Variants in PIKFYVE observed in about 807,000 individuals in gnomAD.
PIKFYVE encodes the protein 1-phosphatidylinositol 3-phosphate 5-kinase.
PIKFYVE carries 122 observed loss-of-function variants against 257.9 expected under a neutral mutation model. The ratio of observed to expected loss-of-function variants is 0.47; its 90% confidence interval spans 0.41 to 0.55. The LOEUF is 0.55. Among genes scored for constraint, PIKFYVE ranks in the 20% least tolerant of loss-of-function variants. The pLI, the probability that PIKFYVE is intolerant of heterozygous loss-of-function variation, is 0.00. For synonymous variants in PIKFYVE, 892 were observed against 868.9 expected, an observed-to-expected ratio of 1.03 and a Z score of -0.47; for missense variants, 2,160 against 2,536.6, an observed-to-expected ratio of 0.85 and a Z score of 3.19.
chr2:208,338,423 A>T, intron 28 of PIKFYVE, 85 bp from the exon 29 acceptor site: 3 of 1,313,834 alleles, frequency 2.3e-6, no homozygotes, highest in Non-Finnish European at 3.3e-6. Flanking sequence ...CTGAGACCAA[A>T]AAGTTTAAGA....
At chr2:208,349,093 G>T (rs1417718155) in intron 35 of PIKFYVE, among the ~76,000 whole-genome samples, 1 of 152,152 alleles carries the variant, frequency 6.6e-6, no homozygotes, top group African/African-American at 2.4e-5. Context: ...AACCCAGGAG[G>T]TATAGGTTGC....
chr2:208,329,722 C>T (rs1697299965), intron 21 of PIKFYVE, 120 bp from the exon 22 acceptor site: 1 of 1,477,652 alleles, frequency 6.8e-7, no homozygotes, highest in Non-Finnish European at 9.1e-7. Context: ...AGAACATTAC[C>T]TCCTTTCATA....
At chr2:208,312,502 G>A (rs933970916) in intron 13 of PIKFYVE, among the ~76,000 whole-genome samples, 3 of 152,172 alleles carry the variant, frequency 2.0e-5, no homozygotes, top group African/African-American at 7.2e-5. Flanking sequence ...TTGCGAGAAG[G>A]AGGTCTCTGA....
At position 208,276,818 on chromosome 2, in the gene PIKFYVE, G is replaced by T; in HGVS notation, c.429G>T (p.Glu143Asp). The T allele has an allele frequency of 6.2e-7, 1 of 1,612,854 alleles. No individual in the cohort carries two copies. Among genetic ancestry groups the T allele is most frequent in the Admixed American group, 1.7e-5 (1 of 59,976 alleles). Residue 143 changes from glutamate (E) to aspartate (D), a missense_variant, in exon 4 of 42, where the codon GAG (glutamate) becomes GAT (aspartate). By Grantham distance (45) the Glu-to-Asp change is conservative. Transcript: ENST00000264380. ...TAAAACGCCTCAAGGAAATCATGGA[G>T]GGGAAAAGCCAGGTACTGTCTAGAG... ...TVLKRLKEIMEGKSQDSDLKQ... is the reference protein window; with the variant it reads ...TVLKRLKEIMDGKSQDSDLKQ...
intron 7 of PIKFYVE, among the ~76,000 whole-genome samples, chr2:208,296,739 G>C (rs1693039725): frequency 6.6e-6 from 1 of 152,048 alleles, no homozygotes; most frequent in Admixed American, 6.5e-5. Context: ...AAACCAGGAG[G>C]GTATTTATCT....
At chr2:208,290,577 A>T (rs528263057) in intron 7 of PIKFYVE, among the ~76,000 whole-genome samples, 1 of 152,368 alleles carries the variant, frequency 6.6e-6, no homozygotes, top group Admixed American at 6.5e-5. Context: ...CTGTTATAAC[A>T]TCTGAGTATA....
In PIKFYVE at chr2:208,326,228, T is replaced by C. The variant is rs61755424; in HGVS notation, c.3417T>C (p.Ala1139=). ...ATGAGCTAGTGAGCACTAGAATTGC[T>C]GAGCATCTGGGCGATAGCCAGAGCT... ...PSHELVSTRI[A]EHLGDSQSLG... The change falls in exon 20 of 42, where the codon GCT becomes GCC. Residue 1139 remains alanine, a synonymous_variant. Coordinates refer to ENST00000264380, the MANE Select transcript of PIKFYVE (RefSeq NM_015040.4). 105 of 1,594,788 alleles carry C rather than the reference T, an allele frequency of 6.6e-5. No individual in the cohort carries two copies. The highest frequency in any genetic ancestry group is 5.1e-4 in the Middle Eastern group (3 of 5,940).
Position 208,276,837 on chromosome 2 carries a change from T to A in PIKFYVE, c.441+7T>A. On this transcript the variant is annotated splice_region_variant and intron_variant, in intron 4 of 41. Transcript: ENST00000264380. ...CATGGAGGGGAAAAGCCAGGTACTG[T>A]CTAGAGGCTTTGGAAGATTACTTAT... is the stretch of plus-strand genomic sequence containing the variant. The A allele has an allele frequency of 6.2e-7, 1 of 1,602,768 alleles. No individual in the cohort carries two copies. Among genetic ancestry groups the A allele is most frequent in the Non-Finnish European group, 8.5e-7 (1 of 1,169,984 alleles).
At chr2:208,277,764 T>G in intron 5 of PIKFYVE, 56 bp downstream of exon 5, 1 of 1,573,778 alleles carries the variant, frequency 6.4e-7, no homozygotes, top group South Asian at 1.1e-5. Flanking sequence ...TATAAGACAC[T>G]TATAATACAG....
chr2:208,353,045 G>C (rs770773511), intron 39 of PIKFYVE, among the ~76,000 whole-genome samples: 1 of 152,120 alleles, frequency 6.6e-6, no homozygotes, highest in Non-Finnish European at 1.5e-5. Flanking sequence ...TCTACTTCCC[G>C]CATCTTTTTT....
intron 9 of PIKFYVE, among the ~76,000 whole-genome samples, chr2:208,301,298 C>A (rs1481643222): frequency 2.0e-5 from 3 of 152,078 alleles, no homozygotes; most frequent in African/African-American, 4.8e-5. Context: ...GTACAAGGAG[C>A]CAAATAGGAT....
At chr2:208,292,143 C>G (rs1216357712) in intron 7 of PIKFYVE, among the ~76,000 whole-genome samples, 1 of 151,726 alleles carries the variant, frequency 6.6e-6, no homozygotes, top group Non-Finnish European at 1.5e-5. Flanking sequence ...AGTTTGATTC[C>G]ATGTTGGTTG....
chr2:208,353,545 CT>C (rs140414531), intron 39 of PIKFYVE, among the ~76,000 whole-genome samples: 2 of 132,934 alleles, frequency 1.5e-5, no homozygotes, highest in South Asian at 2.3e-4. Flanking sequence ...GCATCTCTCT[CT>C]TTTTTTTTTT....
At chr2:208,335,455 A>G in intron 25 of PIKFYVE, 36 bp downstream of exon 25, 1 of 1,374,370 alleles carries the variant, frequency 7.3e-7, no homozygotes, top group Non-Finnish European at 1.0e-6. Flanking sequence ...TTTTTTGTTT[A>G]TTTACAGCTA....
chr2:208,348,670 A>G (rs948248252), intron 35 of PIKFYVE, among the ~76,000 whole-genome samples: 14 of 148,126 alleles, frequency 9.5e-5, no homozygotes, highest in Non-Finnish European at 1.9e-4. Flanking sequence ...ATGGGTTTAG[A>G]TCAGGAATAG....
intron 1 of PIKFYVE, among the ~76,000 whole-genome samples, chr2:208,270,190 C>T (rs546390350): frequency 2.0e-4 from 30 of 151,756 alleles, no homozygotes; most frequent in African/African-American, 6.5e-4. Flanking sequence ...TACAGGTACC[C>T]GCCACCATGT....
chr2:208,267,023 A>C (rs796325541), intron 1 of PIKFYVE, among the ~76,000 whole-genome samples: 4 of 152,302 alleles, frequency 2.6e-5, no homozygotes, highest in African/African-American at 9.6e-5. Flanking sequence ...TTTAGGACTT[A>C]GGGGTTTTCT....
chr2:208,285,472 T>C (rs1324602279), intron 5 of PIKFYVE, among the ~76,000 whole-genome samples: 1 of 152,216 alleles, frequency 6.6e-6, no homozygotes, highest in Non-Finnish European at 1.5e-5. Context: ...TAATGATGGC[T>C]CTTTTTTTTT....
chr2:208,357,177 G>C lies in PIKFYVE; in HGVS notation c.*1872G>C, dbSNP rs1003236082. The C allele has an allele frequency of 1.3e-5, 2 of 152,118 alleles. No homozygotes were observed. The highest frequency in any genetic ancestry group is 4.8e-5 in the African/African-American group (2 of 41,420). 9.4% of individuals were successfully genotyped at this position (152,118 alleles called of 1,614,324 possible). A position where few individuals can be genotyped will look rare whatever the true frequency, so the allele number is the denominator to read the frequency against. On this transcript the variant is annotated 3_prime_UTR_variant, in exon 42 of 42. Transcript: ENST00000264380. ...AAGACTATTAAAGGAGCTGTACAGA[G>C]GTAAAAAAATAAATGTGGAACATTA...
Sources: gnomAD v4.1 joint callset for allele counts (sites outside exome capture counted in the v4.1 genomes callset) on GRCh38, gnomAD v4.1.1 for gene constraint, MANE v1.5 for transcripts, NCBI Gene and HGNC (gene_info 2026-07-23, HGNC 2026-07-21) for gene names.